AGO4: variants seen among roughly 807,000 people sequenced by gnomAD.
AGO4 encodes the protein protein argonaute-4.
A neutral mutation model predicts 104.7 loss-of-function variants in AGO4; 33 were observed. The ratio of observed to expected loss-of-function variants is 0.32; its 90% CI spans 0.24 to 0.42. AGO4 has a LOEUF of 0.42. Among genes scored for constraint, AGO4 ranks in the 10% least tolerant of loss-of-function variants. The probability of loss-of-function intolerance (pLI) is 1.00; values close to 1 mark genes in which losing one functional copy is unlikely to be tolerated. For synonymous variants in AGO4, 331 were observed against 364.7 expected, an observed-to-expected ratio of 0.91 and a Z score of 1.05; for missense variants, 711 against 1,083.4, an observed-to-expected ratio of 0.66 and a Z score of 4.83.
intron 15 of AGO4, 30 bp from the exon 16 acceptor site, chr1:35,850,127 T>C (rs756463398): frequency 1.3e-6 from 2 of 1,503,724 alleles, no homozygotes; most frequent in Admixed American, 2.1e-5. Context: ...GGCACTTTGA[T>C]GACTAATTAC....
chr1:35,810,454 C>G (rs1021741047), intron 1 of AGO4, among the ~76,000 whole-genome samples: 2 of 152,184 alleles, frequency 1.3e-5, no homozygotes. Context: ...TGCCCACCGC[C>G]TCCCTGCAAC....
chr1:35,827,737 T>C (rs909266001), intron 7 of AGO4, among the ~76,000 whole-genome samples: 2 of 151,960 alleles, frequency 1.3e-5, no homozygotes, highest in Non-Finnish European at 2.9e-5. Flanking sequence ...TTAATCTTTT[T>C]ATTTAATGAT....
intron 13 of AGO4, among the ~76,000 whole-genome samples, chr1:35,840,139 G>A (rs1042304870): frequency 1.3e-5 from 2 of 149,862 alleles, no homozygotes; most frequent in Admixed American, 1.3e-4. Flanking sequence ...TTACAGGTGA[G>A]CGCCTCCATG....
In AGO4 at chr1:35,841,586, A is replaced by G. The variant is rs1008686938; in HGVS notation, c.2041-30A>G. 6.2e-7 allele frequency: 1 copy of G among 1,613,900 alleles called. No individual in the cohort carries two copies. Among genetic ancestry groups the G allele is most frequent in the Non-Finnish European group, 8.5e-7 (1 of 1,179,844 alleles). ...CTGAGAGATACTAGGCAAATTCTCA[A>G]TTAAACATAATTCCATTTCTGTCTT... On this transcript the variant is annotated intron_variant, in intron 14 of 17. Coordinates refer to ENST00000373210, the MANE Select transcript of AGO4 (RefSeq NM_017629.4). The surrounding 1 kb of genome is among the most constrained non-coding windows in gnomAD (Gnocchi z 4.7).
At position 35,857,456 on chromosome 1, in the gene AGO4, C is replaced by T. The variant is rs567137155; in HGVS notation, c.*3851C>T. The T allele has an allele frequency of 5.3e-5, 8 of 152,222 alleles. No homozygotes were observed. Among genetic ancestry groups the T allele is most frequent in the African/African-American group, 1.9e-4 (8 of 41,526 alleles). 9.4% of individuals were successfully genotyped at this position (152,222 alleles called of 1,614,324 possible). A position where few individuals can be genotyped will look rare whatever the true frequency, so the allele number is the denominator to read the frequency against. On this transcript the variant is annotated 3_prime_UTR_variant, in exon 18 of 18. Coordinates refer to ENST00000373210, the MANE Select transcript of AGO4 (RefSeq NM_017629.4). The stretch of plus-strand genomic sequence containing the variant: ...TGATTTTTGTTTCTATATTATTAGA[C>T]CTGTAATGTTTTAAAATGTATTTTA...
rs1201728111 is a variant in AGO4, at chr1:35,841,931, G to A, written c.2175+181G>A. ...TTAGATGACCAATTCTGAATGATAC[G>A]AGTTTTGAGACTGAATATTTTATTT... On this transcript the variant is annotated intron_variant, in intron 15 of 17. Transcript: ENST00000373210. This position sits in a 1 kb window ranked among gnomAD's most constrained non-coding sequence, Gnocchi z 4.7. Among the ~76,000 whole-genome samples, 6 of 151,288 alleles carry A rather than the reference G, an allele frequency of 4.0e-5. No individual in the cohort carries two copies. Among genetic ancestry groups the A allele is most frequent in the Non-Finnish European group, 8.8e-5 (6 of 67,882 alleles).
rs890227313 is a variant in AGO4, at chr1:35,841,086, A to G, written c.1725-79A>G. On this transcript the variant is annotated intron_variant, in intron 13 of 17. Coordinates refer to ENST00000373210, the MANE Select transcript of AGO4 (RefSeq NM_017629.4). The surrounding 1 kb of genome is among the most constrained non-coding windows in gnomAD (Gnocchi z 4.7). Reference sequence around the variant, plus strand: ...CTCTTATAAGGTTATATCTGATTATATCTGGTGATATAATCTTGCTAAACT... The same window carrying G: ...CTCTTATAAGGTTATATCTGATTATGTCTGGTGATATAATCTTGCTAAACT... The G allele has an allele frequency of 6.3e-6, 9 of 1,437,888 alleles. No individual in the cohort carries two copies. In the Admixed American group the frequency reaches 1.7e-4, roughly 26 times the overall value. The allele number at this position is 1,437,888 out of a possible 1,614,324, so 89.1% of individuals were successfully genotyped here.
chr1:35,848,869 C>A (rs2148686780), intron 15 of AGO4, among the ~76,000 whole-genome samples: 1 of 152,106 alleles, frequency 6.6e-6, no homozygotes, highest in African/African-American at 2.4e-5. Context: ...AATGCTAGAA[C>A]CAACTAGATT....
Position 35,853,387 on chromosome 1 carries a change from G to A in AGO4, c.2478-110G>A, listed in dbSNP as rs2148692327. On this transcript the variant is annotated intron_variant, in intron 17 of 17. Coordinates refer to ENST00000373210, the MANE Select transcript of AGO4 (RefSeq NM_017629.4). ...GTTTGTGCTATTTGAAACGTGTGAA[G>A]TTTGAAGTGGTCTTCTGTTACACCT... The A allele has an allele frequency of 6.4e-6, 5 of 776,720 alleles. No individual in the cohort carries two copies. In the South Asian group the frequency reaches 9.7e-5, roughly 15 times the overall value. The allele number at this position is 776,720 out of a possible 1,614,324, so 48.1% of individuals were successfully genotyped here.
At chr1:35,836,085 T>A (rs1468946377) in intron 13 of AGO4, 92 bp downstream of exon 13, 2 of 1,336,438 alleles carry the variant, frequency 1.5e-6, no homozygotes, top group African/African-American at 2.9e-5. Context: ...GCATCTAGAT[T>A]ACCTTTTCTC....
intron 1 of AGO4, among the ~76,000 whole-genome samples, chr1:35,813,756 GAAAA>G (rs1388499166): frequency 6.8e-6 from 1 of 146,342 alleles, no homozygotes; most frequent in South Asian, 2.2e-4. Context: ...CTCAAAAAAA[GAAAA>G]AAAGAAGAAG....
intron 8 of AGO4, 22 bp from the exon 9 acceptor site, chr1:35,831,790 A>ATTTC: frequency 6.2e-7 from 1 of 1,613,750 alleles, no homozygotes; most frequent in Non-Finnish European, 8.5e-7. Flanking sequence ...ACACAAACCA[A>ATTTC]TTTCTCTTTG....
Position 35,832,177 on chromosome 1 carries a change from G to A in AGO4, c.1237G>A (p.Gly413Arg). The change falls in exon 10 of 18, where the codon GGA (glycine) becomes AGA (arginine). Residue 413 changes from glycine to arginine, a missense_variant. Physicochemically the swap from Gly to Arg is moderately radical, Grantham distance 125. This residue lies in a region of AGO4 where 401 missense variants were observed against 665.5 expected (regional missense o/e 0.60). Coordinates refer to ENST00000373210, the MANE Select transcript of AGO4 (RefSeq NM_017629.4). ...RVLPAPMLQY[G>R]GRNKTVATPN... ...ACTTCCAGCACCAATGCTGCAATAT[G>A]GAGGCCGGGTAAGCTTTTTATTTTA... 6.2e-7 allele frequency: 1 copy of A among 1,612,670 alleles called. No homozygotes were observed. Among genetic ancestry groups the A allele is most frequent in the South Asian group, 1.1e-5 (1 of 90,696 alleles).
rs1429837867 is a variant in AGO4, at chr1:35,856,050, G to GA, written c.*2447dup. ...CTTGTCTTGCTCTACGCTCGACCTC[G>GA]AACAATACAGCTTGTAAGACCTCAG... On this transcript the variant is annotated 3_prime_UTR_variant, in exon 18 of 18. Coordinates refer to ENST00000373210, the MANE Select transcript of AGO4 (RefSeq NM_017629.4). 1 of 152,212 alleles carries GA rather than the reference G, an allele frequency of 6.6e-6. No individual in the cohort carries two copies. The highest frequency in any genetic ancestry group is 2.4e-5 in the African/African-American group (1 of 41,468). The allele number at this position is 152,212 out of a possible 1,614,324, so 9.4% of individuals were successfully genotyped here. A position where few individuals can be genotyped will look rare whatever the true frequency, so the allele number is the denominator to read the frequency against.
At chr1:35,850,089 A>G (rs1644664437) in intron 15 of AGO4, 68 bp from the exon 16 acceptor site, 1 of 1,095,556 alleles carries the variant, frequency 9.1e-7, no homozygotes, top group South Asian at 1.5e-5. Flanking sequence ...TTAACACACA[A>G]AAGAAAAAAA....
intron 13 of AGO4, among the ~76,000 whole-genome samples, chr1:35,838,297 C>T (rs188728800): frequency 3.9e-5 from 6 of 152,090 alleles, no homozygotes; most frequent in East Asian, 1.9e-4. Context: ...CTCAAGCAAT[C>T]GGCCCACCTT....
rs189230027 is a variant in AGO4 at position 35,853,499 on chromosome 1, C to A, written c.2480C>A (p.Ala827Glu). 6.2e-7 allele frequency: 1 copy of A among 1,610,548 alleles called. No homozygotes were observed. The highest frequency in any genetic ancestry group is 1.3e-5 in the African/African-American group (1 of 74,636). Residue 827 changes from alanine (A) to glutamate (E), a missense_variant and splice_region_variant, in exon 18 of 18, where the codon GCG (alanine) becomes GAG (glutamate). By Grantham distance (107) the Ala-to-Glu change is moderately radical. Transcript: ENST00000373210. The stretch of plus-strand genomic sequence containing the variant: ...GTTTTGTTTTATTCTCTTTACAGTG[C>A]GGAAGGCAGTCATGTGTCAGGACAG... ...YHLVDKDHDS[A>E]EGSHVSGQSN...
intron 15 of AGO4, among the ~76,000 whole-genome samples, chr1:35,843,741 C>T (rs1644503181): frequency 6.6e-6 from 1 of 152,174 alleles, no homozygotes; most frequent in Non-Finnish European, 1.5e-5. Flanking sequence ...AAACCTCCTG[C>T]CACCTTCTCC....
intron 7 of AGO4, among the ~76,000 whole-genome samples, chr1:35,827,285 C>T (rs1644047049): frequency 1.3e-5 from 2 of 151,780 alleles, no homozygotes; most frequent in Non-Finnish European, 1.5e-5. Flanking sequence ...TTTGGGAGGC[C>T]GAGCCAGGCA....
Sources: allele counts gnomAD v4.1 joint callset (sites outside exome capture counted in the v4.1 genomes callset), GRCh38; gene constraint gnomAD v4.1.1; regional missense constraint gnomAD v4.1.1; non-coding constraint Gnocchi (gnomAD v3.1); transcripts MANE v1.5; gene names NCBI Gene and HGNC (gene_info 2026-07-23, HGNC 2026-07-21).